Variants in PDE8A observed in about 807,000 individuals in gnomAD.
PDE8A encodes high affinity cAMP-specific and IBMX-insensitive 3',5'-cyclic phosphodiesterase 8A.
In PDE8A, 59 loss-of-function variants were observed where a neutral mutation model predicts 105.0. The ratio of observed to expected loss-of-function variants is 0.56; its 90% confidence interval spans 0.46 to 0.70. PDE8A has a LOEUF of 0.70. Ranked by LOEUF, PDE8A falls within the 30% of genes least tolerant of loss-of-function variation. The pLI is 0.00. For synonymous variants in PDE8A, 355 were observed against 371.9 expected, an observed-to-expected ratio of 0.95 and a Z score of 0.52; for missense variants, 1,014 against 1,045.9, an observed-to-expected ratio of 0.97 and a Z score of 0.42.
chr15:85,054,214 G>A (rs1489743201), intron 1 of PDE8A, among the ~76,000 whole-genome samples: 2 of 152,180 alleles, frequency 1.3e-5, no homozygotes, highest in Non-Finnish European at 2.9e-5. Flanking sequence ...GCTGGATTCA[G>A]TTTGCCAGTA....
intron 1 of PDE8A, among the ~76,000 whole-genome samples, chr15:85,037,897 G>A (rs1245383050): frequency 5.3e-5 from 8 of 152,308 alleles, no homozygotes; most frequent in East Asian, 1.9e-4. Context: ...GCTTTCTACT[G>A]TGTAGTAGTT....
At chr15:85,038,209 A>G (rs527850857) in intron 1 of PDE8A, among the ~76,000 whole-genome samples, 21 of 119,488 alleles carry the variant, frequency 1.8e-4, no homozygotes, top group South Asian at 2.9e-4. Context: ...GCTCTCTCCA[A>G]TTGGGGGGTG....
intron 1 of PDE8A, among the ~76,000 whole-genome samples, chr15:84,998,991 CTA>C (rs1220357306): frequency 6.6e-6 from 1 of 152,122 alleles, no homozygotes; most frequent in East Asian, 1.9e-4. Context: ...TTTTCAGACA[CTA>C]TGAGTTAGAA....
intron 1 of PDE8A, among the ~76,000 whole-genome samples, chr15:85,013,640 A>G (rs978889821): frequency 6.6e-6 from 1 of 152,264 alleles, no homozygotes; most frequent in Non-Finnish European, 1.5e-5. Context: ...TATTTGTTGC[A>G]TAACAAATTA....
At chr15:85,136,405 G>A (rs1470419620) in intron 20 of PDE8A, 129 bp from the exon 21 acceptor site, 1 of 850,824 alleles carries the variant, frequency 1.2e-6, no homozygotes, top group African/African-American at 1.7e-5. Context: ...TGCGTGAGGT[G>A]GTGATTGGCT....
chr15:85,029,103 A>G (rs1334090238), intron 1 of PDE8A, among the ~76,000 whole-genome samples: 2 of 152,178 alleles, frequency 1.3e-5, no homozygotes, highest in Non-Finnish European at 2.9e-5. Context: ...GTAGTAAAAA[A>G]AGAAAGGCCT....
Position 85,094,533 on chromosome 15 carries a change from C to T in PDE8A, c.852+3352C>T, listed in dbSNP as rs537804659. Among the ~76,000 whole-genome samples the T allele has an allele frequency of 2.0e-5, 3 of 152,328 alleles. No homozygotes were observed. The South Asian group carries it at 6.2e-4, about 32-fold the overall frequency. On this transcript the variant is annotated intron_variant, in intron 8 of 21. Transcript: ENST00000394553. The stretch of plus-strand genomic sequence containing the variant: ...TCTTTTCCAAGGTCTGGTTCAGCAT[C>T]CTACTATCATCTTAATTGTCTAGCA...
chr15:85,027,956 A>G (rs986261774), intron 1 of PDE8A, among the ~76,000 whole-genome samples: 14 of 152,338 alleles, frequency 9.2e-5, no homozygotes, highest in East Asian at 3.9e-4. Context: ...ATGTACTTCT[A>G]TTATAAAAAC....
Position 85,137,824 on chromosome 15 carries a change from A to G in PDE8A, c.2411A>G (p.Gln804Arg). Reference protein sequence around the residue: ...DAFVDLPDLMQHLDNNFKYWK... With the variant: ...DAFVDLPDLMRHLDNNFKYWK... ...TTTGTAGACCTGCCTGATTTAATGC[A>G]GCATCTTGACAACAACTTTAAATAC... The change falls in exon 22 of 22, where the codon CAG becomes CGG. Residue 804 changes from glutamine (Q) to arginine (R), a missense_variant. Transcript: ENST00000394553. The G allele has an allele frequency of 6.2e-7, 1 of 1,612,906 alleles. No homozygotes were observed. The highest frequency in any genetic ancestry group is 1.3e-5 in the African/African-American group (1 of 75,038).
chr15:85,057,349 A>G (rs1750420309), intron 1 of PDE8A, among the ~76,000 whole-genome samples: 1 of 152,136 alleles, frequency 6.6e-6, no homozygotes, highest in African/African-American at 2.4e-5. Flanking sequence ...TCAGACAGGG[A>G]CGTTTAAGTC....
At chr15:85,060,600 G>C (rs1198455045) in intron 1 of PDE8A, among the ~76,000 whole-genome samples, 4 of 152,144 alleles carry the variant, frequency 2.6e-5, no homozygotes, top group Non-Finnish European at 4.4e-5. Context: ...ATATATATGG[G>C]TGTTCCTGGA....
At chr15:85,061,576 A>G (rs1259534296) in intron 1 of PDE8A, among the ~76,000 whole-genome samples, 1 of 152,108 alleles carries the variant, frequency 6.6e-6, no homozygotes, top group African/African-American at 2.4e-5. Flanking sequence ...GTCTTTGAGC[A>G]GTTTCATTAT....
chr15:85,123,779 G>A (rs1342278676), intron 19 of PDE8A, among the ~76,000 whole-genome samples: 1 of 152,116 alleles, frequency 6.6e-6, no homozygotes, highest in African/African-American at 2.4e-5. Context: ...TGGGCTCACT[G>A]AATTTAGTTT....
intron 1 of PDE8A, among the ~76,000 whole-genome samples, chr15:85,038,251 G>GTT (rs943797006): frequency 2.0e-5 from 3 of 149,020 alleles, no homozygotes; most frequent in Non-Finnish European, 4.5e-5. Context: ...GTGTGTGTGT[G>GTT]TGTTTTACTA....
intron 1 of PDE8A, among the ~76,000 whole-genome samples, chr15:85,027,542 T>TA (rs1217674679): frequency 1.3e-5 from 2 of 152,230 alleles, no homozygotes; most frequent in Non-Finnish European, 2.9e-5. Flanking sequence ...TGCTGTGACT[T>TA]ACTGCGTTTA....
intron 1 of PDE8A, among the ~76,000 whole-genome samples, chr15:84,993,166 G>A (rs2079911786): frequency 6.6e-6 from 1 of 152,176 alleles, no homozygotes; most frequent in African/African-American, 2.4e-5. Context: ...AGGATCGGCT[G>A]GGCGTGGTGG....
intron 18 of PDE8A, among the ~76,000 whole-genome samples, chr15:85,122,851 G>T (rs2082202631): frequency 6.6e-6 from 1 of 152,134 alleles, no homozygotes; most frequent in African/African-American, 2.4e-5. Context: ...TATAGCTTTT[G>T]GTTTTAACTT....
chr15:84,996,351 A>C (rs12324120), intron 1 of PDE8A, among the ~76,000 whole-genome samples: 9,143 of 151,734 alleles, frequency 0.06, 692 homozygotes, highest in African/African-American at 0.18. Context: ...CCGATTTTTA[A>C]AATTTTTAAA....
intron 1 of PDE8A, among the ~76,000 whole-genome samples, chr15:85,021,163 G>T (rs550559006): frequency 1.3e-5 from 2 of 152,252 alleles, no homozygotes; most frequent in East Asian, 3.9e-4. Context: ...CACATAGCAG[G>T]TGCCATCTAT....
Sources: allele counts gnomAD v4.1 joint callset (sites outside exome capture counted in the v4.1 genomes callset), GRCh38; gene constraint gnomAD v4.1.1; transcripts MANE v1.5; gene names NCBI Gene and HGNC (gene_info 2026-07-23, HGNC 2026-07-21).